Variants in DSCAM observed in about 807,000 individuals in gnomAD.
DSCAM encodes cell adhesion molecule DSCAM.
Under a neutral mutation model 217.7 loss-of-function variants are expected in DSCAM, and 47 were observed. The ratio of observed to expected loss-of-function variants is 0.22; its 90% CI spans 0.17 to 0.28. The LOEUF (loss-of-function observed/expected upper bound fraction) is 0.28, where lower values mean the gene tolerates loss of function less well. Among genes scored for constraint, DSCAM ranks in the 10% least tolerant of loss-of-function variants. DSCAM has a pLI of 1.00. For missense variants in DSCAM, 2,080 were observed against 2,618.3 expected (o/e 0.79, Z 4.49); for synonymous variants, 1,056 against 1,015.3 (o/e 1.04, Z -0.76).
At chr21:40,255,384 G>T (rs906403967) in intron 11 of DSCAM, among the ~76,000 whole-genome samples, 2 of 152,190 alleles carry the variant, frequency 1.3e-5, no homozygotes, top group Non-Finnish European at 2.9e-5. Context: ...AAGACTTAAA[G>T]GCGAGGACAT....
intron 1 of DSCAM, among the ~76,000 whole-genome samples, chr21:40,709,022 TG>T (rs930926999): frequency 9.8e-5 from 15 of 152,324 alleles, no homozygotes; most frequent in Middle Eastern, 3.4e-3. Flanking sequence ...TTTAATAGAT[TG>T]TTTTTTTGCC....
At chr21:40,499,712 C>T (rs1426866331) in intron 3 of DSCAM, among the ~76,000 whole-genome samples, 1 of 152,222 alleles carries the variant, frequency 6.6e-6, no homozygotes, top group African/African-American at 2.4e-5. Flanking sequence ...GAAAACTTCT[C>T]AGATGCATAG....
intron 11 of DSCAM, among the ~76,000 whole-genome samples, chr21:40,247,083 A>G: frequency 6.6e-6 from 1 of 152,172 alleles, no homozygotes; most frequent in African/African-American, 2.4e-5. Context: ...AGATGTATTC[A>G]CTATCATGAG....
At chr21:40,524,176 G>C (rs925508260) in intron 3 of DSCAM, among the ~76,000 whole-genome samples, 2 of 152,028 alleles carry the variant, frequency 1.3e-5, no homozygotes, top group Admixed American at 6.6e-5. Context: ...AGAAAATTTA[G>C]ATCATGAGCA....
chr21:40,538,279 G>T (rs1279624839), intron 3 of DSCAM, among the ~76,000 whole-genome samples: 1 of 141,402 alleles, frequency 7.1e-6, no homozygotes, highest in African/African-American at 3.0e-5. Context: ...GACAGCATCT[G>T]TATGAATCCA....
At chr21:40,531,943 G>A (rs62225549) in intron 3 of DSCAM, among the ~76,000 whole-genome samples, 24,312 of 152,118 alleles carry the variant, frequency 0.16, 2,169 homozygotes, top group Middle Eastern at 0.22. Context: ...TGGGTCCAGC[G>A]ACATGTGGGT....
chr21:40,157,266 G>A (rs973557272), intron 16 of DSCAM, among the ~76,000 whole-genome samples: 3 of 152,316 alleles, frequency 2.0e-5, no homozygotes, highest in African/African-American at 7.2e-5. Context: ...AGACTGCAGG[G>A]CCTACAAAGC....
intron 3 of DSCAM, among the ~76,000 whole-genome samples, chr21:40,658,041 G>T (rs1276202209): frequency 6.6e-6 from 1 of 152,164 alleles, no homozygotes; most frequent in East Asian, 1.9e-4. Flanking sequence ...TGATATTGAG[G>T]TATTAATAGA....
At chr21:40,751,109 G>T (rs2091222926) in intron 1 of DSCAM, among the ~76,000 whole-genome samples, 2 of 152,016 alleles carry the variant, frequency 1.3e-5, no homozygotes, top group African/African-American at 4.8e-5. Context: ...GCTGCTGCAG[G>T]CCTTGGTGTT....
At chr21:40,300,589 C>T (rs2074004370) in intron 9 of DSCAM, among the ~76,000 whole-genome samples, 1 of 152,198 alleles carries the variant, frequency 6.6e-6, no homozygotes, top group South Asian at 2.1e-4. Flanking sequence ...CCTTTACCCA[C>T]CTTACTGGTG....
chr21:40,533,740 T>C (rs1221830547), intron 3 of DSCAM, among the ~76,000 whole-genome samples: 1 of 134,278 alleles, frequency 7.4e-6, no homozygotes, highest in African/African-American at 2.7e-5. Context: ...CATCTATCCA[T>C]CCATCCACCC....
chr21:40,594,072 C>T (rs988417112), intron 3 of DSCAM, among the ~76,000 whole-genome samples: 1 of 152,180 alleles, frequency 6.6e-6, no homozygotes, highest in African/African-American at 2.4e-5. Context: ...AGCCCCTTTT[C>T]AGTTAATCTC....
chr21:40,604,888 C>T (rs996644922), intron 3 of DSCAM, among the ~76,000 whole-genome samples: 8 of 152,174 alleles, frequency 5.3e-5, no homozygotes, highest in Admixed American at 5.2e-4. Flanking sequence ...TTTAGCTTTT[C>T]TTCCTCCTCC....
chr21:40,075,303 G>A lies in DSCAM; in HGVS notation c.4712-90C>T, dbSNP rs915403434. Reference sequence around the variant, plus strand: ...TGACAGGTTATAAAAATCGCGCTGTGTGATCCAAGGGTGTTGGAGGTGATG... The same window carrying A: ...TGACAGGTTATAAAAATCGCGCTGTATGATCCAAGGGTGTTGGAGGTGATG... On this transcript the variant is annotated intron_variant, in intron 26 of 32. Coordinates refer to ENST00000400454, the MANE Select transcript of DSCAM (RefSeq NM_001389.5). 5 of 1,401,414 alleles carry A rather than the reference G, an allele frequency of 3.6e-6. No homozygotes were observed. The East Asian group carries it at 9.4e-5, about 26-fold the overall frequency. 86.8% of individuals were successfully genotyped at this position (1,401,414 alleles called of 1,614,324 possible). A position where few individuals can be genotyped will look rare whatever the true frequency, so the allele number is the denominator to read the frequency against.
intron 3 of DSCAM, among the ~76,000 whole-genome samples, chr21:40,442,199 G>T (rs2075636356): frequency 6.6e-6 from 1 of 151,952 alleles, no homozygotes; most frequent in Non-Finnish European, 1.5e-5. Context: ...AAAATGTTAG[G>T]CACTGCACAA....
At chr21:40,350,476 GA>G (rs1002837244) in intron 5 of DSCAM, among the ~76,000 whole-genome samples, 4 of 151,664 alleles carry the variant, frequency 2.6e-5, no homozygotes, top group Admixed American at 6.6e-5. Context: ...AAAAGTGGGT[GA>G]AAAAAAAGCT....
At chr21:40,140,005 T>A (rs539396251) in intron 18 of DSCAM, among the ~76,000 whole-genome samples, 4 of 151,408 alleles carry the variant, frequency 2.6e-5, no homozygotes, top group Non-Finnish European at 5.9e-5. Flanking sequence ...GTGGGGTGCA[T>A]GTATGTGTGG....
intron 3 of DSCAM, among the ~76,000 whole-genome samples, chr21:40,562,702 C>T (rs79713201): frequency 2.4e-3 from 362 of 152,264 alleles, no homozygotes; most frequent in African/African-American, 7.2e-3. Context: ...TTAAACCAGA[C>T]GCTCTGCTAT....
Position 40,808,859 on chromosome 21 carries a change from C to T in DSCAM, c.43+37760G>A, listed in dbSNP as rs542021456. Among the ~76,000 whole-genome samples, 18 of 152,242 alleles carry T rather than the reference C, an allele frequency of 1.2e-4. No homozygotes were observed. The Middle Eastern group carries it at 0.01, about 86-fold the overall frequency. On this transcript the variant is annotated intron_variant, in intron 1 of 32. Coordinates refer to ENST00000400454, the MANE Select transcript of DSCAM (RefSeq NM_001389.5). ...GGGCTGGAATTACCCCAAAGGCAAACGCCATTTGCAGATGAGCTGACACTC... is the reference window on the plus strand; with the variant it reads ...GGGCTGGAATTACCCCAAAGGCAAATGCCATTTGCAGATGAGCTGACACTC...
Sources: gnomAD v4.1 joint callset for allele counts (sites outside exome capture counted in the v4.1 genomes callset) on GRCh38, gnomAD v4.1.1 for gene constraint, MANE v1.5 for transcripts, NCBI Gene and HGNC (gene_info 2026-07-23, HGNC 2026-07-21) for gene names.